Variants in TMSB15B observed in about 807,000 individuals in gnomAD.
TMSB15B encodes the protein thymosin beta 15B.
At chrX:103,945,201 T>C (rs1348555676) in intron 1 of TMSB15B, among the ~76,000 whole-genome samples, 3 of 112,640 alleles carry the variant, frequency 2.7e-5, no homozygotes, top group African/African-American at 9.7e-5. Context: ...AACTGATGCA[T>C]AGTAGATGCT....
At chrX:103,928,212 C>T (rs781799519) in intron 1 of TMSB15B, 87 of 1,194,659 alleles carry the variant, frequency 7.3e-5, no homozygotes, top group Non-Finnish European at 9.5e-5. Context: ...GTTTCCAACT[C>T]TATGTCTACT....
chrX:103,928,820 A>G lies in TMSB15B; in HGVS notation c.-721+9528A>G, dbSNP rs2074976763. The G allele has an allele frequency of 4.2e-6, 5 of 1,200,065 alleles. No homozygotes were observed. In the African/African-American group the frequency reaches 8.7e-5, roughly 21 times the overall value. On this transcript the variant is annotated intron_variant, in intron 1 of 3. Transcript: ENST00000419165. Reference sequence around the variant, plus strand: ...GTGCTGGCTGCTAATATGCAGTCCCATATTGGATGGCAGAACATGCCAAGC... The same window carrying G: ...GTGCTGGCTGCTAATATGCAGTCCCGTATTGGATGGCAGAACATGCCAAGC...
chrX:103,921,250 G>T (rs781975998), intron 1 of TMSB15B, among the ~76,000 whole-genome samples: 2 of 111,974 alleles, frequency 1.8e-5, no homozygotes, highest in Non-Finnish European at 3.8e-5. Flanking sequence ...TATGGAGAAG[G>T]CAGGTTGCTC....
chrX:103,933,897 G>T (rs782000600), intron 1 of TMSB15B, among the ~76,000 whole-genome samples: 229 of 106,821 alleles, frequency 2.1e-3, no homozygotes, highest in African/African-American at 7.5e-3. Context: ...TGTTTCTGGG[G>T]TACATTTGAT....
At chrX:103,921,495 T>C (rs2074952738) in intron 1 of TMSB15B, among the ~76,000 whole-genome samples, 1 of 111,185 alleles carries the variant, frequency 9.0e-6, no homozygotes, top group South Asian at 3.9e-4. Flanking sequence ...AGGAAATGGA[T>C]TGTGTAAAGG....
chrX:103,946,001 C>T (rs1243392060), intron 1 of TMSB15B, among the ~76,000 whole-genome samples: 1 of 112,336 alleles, frequency 8.9e-6, no homozygotes, highest in Non-Finnish European at 1.9e-5. Flanking sequence ...TCAAGAACTA[C>T]AAAAGGTCTA....
intron 1 of TMSB15B, among the ~76,000 whole-genome samples, chrX:103,951,359 G>C (rs782645740): frequency 8.9e-6 from 1 of 111,989 alleles, no homozygotes; most frequent in South Asian, 3.8e-4. Context: ...GTCTGTAGAA[G>C]TTCTCTTCTG....
chrX:103,928,131 T>C (rs1465121770), intron 1 of TMSB15B: 8 of 1,143,602 alleles, frequency 7.0e-6, no homozygotes, highest in Middle Eastern at 2.5e-4. Flanking sequence ...AGGAAGGAGC[T>C]TCAGCACAGA....
chrX:103,940,740 C>T (rs1556324307), intron 1 of TMSB15B, among the ~76,000 whole-genome samples: 2 of 111,238 alleles, frequency 1.8e-5, no homozygotes, highest in African/African-American at 6.6e-5. Context: ...ACAGCAACAA[C>T]AACAACAACA....
At chrX:103,929,965 C>T (rs781921873) in intron 1 of TMSB15B, among the ~76,000 whole-genome samples, 1 of 110,095 alleles carries the variant, frequency 9.1e-6, no homozygotes, top group East Asian at 2.8e-4. Flanking sequence ...TGTGCTGCAC[C>T]AATTAACTCG....
chrX:103,949,506 C>T (rs1488267900), intron 1 of TMSB15B, among the ~76,000 whole-genome samples: 2 of 111,441 alleles, frequency 1.8e-5, no homozygotes, highest in East Asian at 2.8e-4. Context: ...AGAGCCAAAA[C>T]GATTTCCTGA....
At chrX:103,947,050 G>A in intron 1 of TMSB15B, among the ~76,000 whole-genome samples, 1 of 109,958 alleles carries the variant, frequency 9.1e-6, no homozygotes, top group East Asian at 2.8e-4. Context: ...CCCAAGAAAA[G>A]TGCATATGTA....
chrX:103,950,215 A>G (rs782023210), intron 1 of TMSB15B, among the ~76,000 whole-genome samples: 1 of 111,413 alleles, frequency 9.0e-6, no homozygotes, highest in East Asian at 2.8e-4. Flanking sequence ...AATAGAGACC[A>G]CTATTACAAA....
chrX:103,953,770 C>T (rs1488113959), intron 1 of TMSB15B, among the ~76,000 whole-genome samples: 1 of 112,024 alleles, frequency 8.9e-6, no homozygotes, highest in Non-Finnish European at 1.9e-5. Flanking sequence ...TTGGTGATCT[C>T]TGGCTGACAG....
chrX:103,937,195 G>A (rs868921245), intron 1 of TMSB15B, among the ~76,000 whole-genome samples: 13 of 111,978 alleles, frequency 1.2e-4, no homozygotes, highest in Non-Finnish European at 9.4e-5. Context: ...AAATGAGTTA[G>A]GGAGGAGTCC....
intron 1 of TMSB15B, chrX:103,928,011 G>C (rs2074973672): frequency 1.9e-5 from 10 of 536,567 alleles, no homozygotes; most frequent in Non-Finnish European, 2.6e-5. Context: ...CAATGAGAAT[G>C]CTTGCCAACG....
intron 1 of TMSB15B, among the ~76,000 whole-genome samples, chrX:103,944,997 C>T (rs1467342054): frequency 3.6e-5 from 4 of 111,719 alleles, no homozygotes; most frequent in Non-Finnish European, 7.5e-5. Flanking sequence ...AGGCTGGTCT[C>T]GAACTCCTGG....
rs1293734913 is a variant in TMSB15B, at chrX:103,928,298, C to T, written c.-721+9006C>T. 13 of 1,202,377 alleles carry T rather than the reference C, an allele frequency of 1.1e-5. No homozygotes were observed. The Admixed American group carries it at 1.3e-4, about 12-fold the overall frequency. ...CATGGCAGTGTCAGAGGCTGTGAGA[C>T]ACTTTGGCACGAAGGTCCTCAATAC... On this transcript the variant is annotated intron_variant, in intron 1 of 3. Coordinates refer to the TMSB15B transcript ENST00000419165.
chrX:103,948,328 T>C (rs1230464002), intron 1 of TMSB15B, among the ~76,000 whole-genome samples: 2 of 112,126 alleles, frequency 1.8e-5, no homozygotes, highest in African/African-American at 6.5e-5. Context: ...AAAATGGGAC[T>C]CATACACTGC....
Sources: allele counts gnomAD v4.1 joint callset (sites outside exome capture counted in the v4.1 genomes callset), GRCh38; gene constraint gnomAD v4.1.1; transcripts MANE v1.5; gene names NCBI Gene and HGNC (gene_info 2026-07-23, HGNC 2026-07-21).